The following PCDH7 variants were observed in gnomAD, a reference collection of about 807,000 sequenced individuals.
The protein encoded by PCDH7 is protocadherin-7.
A neutral mutation model predicts 58.9 loss-of-function variants in PCDH7; 17 were observed. The observed-to-expected ratio is 0.29, with a 90% confidence interval of 0.20 to 0.43. The LOEUF is 0.43. Among genes scored for constraint, PCDH7 ranks in the 20% least tolerant of loss-of-function variants. The probability of loss-of-function intolerance (pLI) is 1.00; values close to 1 mark genes in which losing one functional copy is unlikely to be tolerated. For synonymous variants in PCDH7, 664 were observed against 616.4 expected, an observed-to-expected ratio of 1.08 and a Z score of -1.14; for missense variants, 1,274 against 1,441.0, an observed-to-expected ratio of 0.88 and a Z score of 1.88.
chr4:30,820,743 A>G (rs994021172), intron 1 of PCDH7, among the ~76,000 whole-genome samples: 2 of 152,098 alleles, frequency 1.3e-5, no homozygotes, highest in East Asian at 3.9e-4. Context: ...TTTTCATGTG[A>G]ATATGAATAT....
rs11941417 is a variant in PCDH7, at chr4:31,000,467, G to A, written c.*7+50252G>A. 3.7e-3 allele frequency among the ~76,000 whole-genome samples: 559 copies of A among 152,088 alleles called. 3 individuals carry two copies. The highest frequency in any genetic ancestry group is 0.013 in the African/African-American group (520 of 41,510). ...TAGATTGCTATATTTCACCAAAATAGGCAGTTTAAAAGATCTGCTATCCTG... is the reference window on the plus strand; with the variant it reads ...TAGATTGCTATATTTCACCAAAATAAGCAGTTTAAAAGATCTGCTATCCTG... On this transcript the variant is annotated intron_variant, in intron 3 of 3. Coordinates refer to the PCDH7 transcript ENST00000509759.
intron 3 of PCDH7, among the ~76,000 whole-genome samples, chr4:31,009,259 A>C (rs1438493150): frequency 6.6e-6 from 1 of 152,060 alleles, no homozygotes; most frequent in Non-Finnish European, 1.5e-5. Context: ...TATTTCTTTT[A>C]GGTTGTTTCC....
intron 1 of PCDH7, among the ~76,000 whole-genome samples, chr4:30,751,243 G>A (rs183277548): frequency 3.0e-4 from 45 of 152,288 alleles, no homozygotes; most frequent in Non-Finnish European, 5.7e-4. Context: ...ATCTTTCAAA[G>A]TAACGTGGTA....
chr4:30,916,982 G>C (rs557092393), intron 1 of PCDH7, among the ~76,000 whole-genome samples: 1 of 152,200 alleles, frequency 6.6e-6, no homozygotes, highest in African/African-American at 2.4e-5. Context: ...TATCACGTAA[G>C]CTATTCTACT....
At chr4:30,837,231 G>C (rs1302498611) in intron 1 of PCDH7, among the ~76,000 whole-genome samples, 3 of 152,074 alleles carry the variant, frequency 2.0e-5, no homozygotes, top group African/African-American at 7.2e-5. Context: ...TCCGGGCTAA[G>C]GGCTTTGTTC....
In PCDH7 at chr4:30,775,114, T is replaced by G. The variant is rs75732699; in HGVS notation, c.70+50518T>G. 4.6e-3 allele frequency among the ~76,000 whole-genome samples: 699 copies of G among 152,272 alleles called. 5 individuals are homozygous for G. Among genetic ancestry groups the G allele is most frequent in the African/African-American group, 0.016 (661 of 41,548 alleles). ...GTGGGCCATCAGAGAACCATGACATTCCAGGGTATTGATTTTGTGGTGTTA... is the reference window on the plus strand; with the variant it reads ...GTGGGCCATCAGAGAACCATGACATGCCAGGGTATTGATTTTGTGGTGTTA... On this transcript the variant is annotated intron_variant, in intron 1 of 3. Transcript: ENST00000509759.
At chr4:30,730,895 C>A in exon 2 of PCDH7, 1 of 1,405,832 alleles carries the variant, frequency 7.1e-7, no homozygotes, top group South Asian at 1.9e-5. Context: ...CCAATCACTG[C>A]TTGTTCCACT....
rs867181371 is a variant in PCDH7 at position 31,009,505 on chromosome 4, C to A, written c.*7+59290C>A. On this transcript the variant is annotated intron_variant, in intron 3 of 3. Transcript: ENST00000509759. ...CGGCCAAGAGTCATAGCAGAGACTACCAACACTGTGGTAGCAAGTTCTGAT... is the reference window on the plus strand; with the variant it reads ...CGGCCAAGAGTCATAGCAGAGACTAACAACACTGTGGTAGCAAGTTCTGAT... Among the ~76,000 whole-genome samples, 127 of 152,040 alleles carry A rather than the reference C, an allele frequency of 8.4e-4. 1 individual carries two copies. Among genetic ancestry groups the A allele is most frequent in the African/African-American group, 2.8e-3 (117 of 41,524 alleles).
At chr4:30,854,866 C>T (rs948805936) in intron 1 of PCDH7, among the ~76,000 whole-genome samples, 2 of 151,894 alleles carry the variant, frequency 1.3e-5, no homozygotes, top group Non-Finnish European at 2.9e-5. Context: ...GTAAAATTTA[C>T]GTTCTATGTA....
chr4:31,025,013 C>T (rs550850860), intron 3 of PCDH7, among the ~76,000 whole-genome samples: 2 of 152,102 alleles, frequency 1.3e-5, no homozygotes, highest in Non-Finnish European at 2.9e-5. Context: ...AGAGTGCTGG[C>T]GTTTCAGGCG....
chr4:31,015,662 A>G (rs1407992441), intron 3 of PCDH7, among the ~76,000 whole-genome samples: 1 of 152,122 alleles, frequency 6.6e-6, no homozygotes, highest in Non-Finnish European at 1.5e-5. Context: ...GCATTATATC[A>G]TTTAACACGT....
chr4:31,006,304 T>A (rs2109144726), intron 3 of PCDH7, among the ~76,000 whole-genome samples: 1 of 152,228 alleles, frequency 6.6e-6, no homozygotes, highest in Non-Finnish European at 1.5e-5. Flanking sequence ...CACTAAACAT[T>A]TTTTAAAGCA....
At chr4:30,724,801 G>A in intron 1 of PCDH7, 1 of 1,397,484 alleles carries the variant, frequency 7.2e-7, no homozygotes, top group Non-Finnish European at 9.3e-7. Context: ...TAGAATTAAG[G>A]TTCACTAAAC....
chr4:30,766,737 T>TA (rs1272372996), intron 1 of PCDH7, among the ~76,000 whole-genome samples: 1 of 152,036 alleles, frequency 6.6e-6, no homozygotes, highest in East Asian at 1.9e-4. Flanking sequence ...AACAAAGTAT[T>TA]TTCTATACTT....
At chr4:30,754,488 TA>T (rs1719011486) in intron 1 of PCDH7, among the ~76,000 whole-genome samples, 1 of 152,170 alleles carries the variant, frequency 6.6e-6, no homozygotes, top group Non-Finnish European at 1.5e-5. Flanking sequence ...TTAAAGGTCC[TA>T]AATTGTAAGT....
At chr4:31,029,942 A>G (rs1407748211) in intron 3 of PCDH7, among the ~76,000 whole-genome samples, 1 of 152,214 alleles carries the variant, frequency 6.6e-6, no homozygotes, top group Non-Finnish European at 1.5e-5. Flanking sequence ...TTTAGAAAAC[A>G]AAACAAACCC....
intron 3 of PCDH7, among the ~76,000 whole-genome samples, chr4:31,111,860 C>T (rs1272656848): frequency 6.6e-6 from 1 of 152,130 alleles, no homozygotes; most frequent in Non-Finnish European, 1.5e-5. Context: ...ATTAGTATGT[C>T]ATAGTCTCTG....
At chr4:30,749,190 T>C (rs1490721701) in intron 1 of PCDH7, among the ~76,000 whole-genome samples, 1 of 152,214 alleles carries the variant, frequency 6.6e-6, no homozygotes, top group East Asian at 1.9e-4. Context: ...AAGAGAAATA[T>C]TGACTATGAA....
chr4:31,082,626 C>T (rs1420601960), intron 3 of PCDH7, among the ~76,000 whole-genome samples: 1 of 152,132 alleles, frequency 6.6e-6, no homozygotes, highest in Non-Finnish European at 1.5e-5. Flanking sequence ...TCTTCTGCAG[C>T]AACTTGGATG....
Sources: gnomAD v4.1 joint callset for allele counts (sites outside exome capture counted in the v4.1 genomes callset) on GRCh38, gnomAD v4.1.1 for gene constraint, MANE v1.5 for transcripts, NCBI Gene and HGNC (gene_info 2026-07-23, HGNC 2026-07-21) for gene names.